PLOD1: variants seen among roughly 807,000 people sequenced by gnomAD.
The protein encoded by PLOD1 is lysine hydroxylase.
In PLOD1, 70 loss-of-function variants were observed where a neutral mutation model predicts 94.7. That is an observed-to-expected ratio of 0.74 (90% CI 0.61 to 0.90). The LOEUF (loss-of-function observed/expected upper bound fraction) is 0.90, where lower values mean the gene tolerates loss of function less well. Among genes scored for constraint, PLOD1 ranks in the 40% least tolerant of loss-of-function variants. The pLI, the probability that PLOD1 is intolerant of heterozygous loss-of-function variation, is 0.00. For missense variants in PLOD1, 905 were observed against 972.7 expected (o/e 0.93, Z 0.93); for synonymous variants, 417 against 400.2 (o/e 1.04, Z -0.50).
chr1:11,954,632 A>T (rs888172166), intron 5 of PLOD1, 198 bp from the exon 6 acceptor site: 2 of 770,650 alleles, frequency 2.6e-6, no homozygotes, highest in African/African-American at 1.7e-5. Context: ...TTCTGTGAGT[A>T]GAGCCACTAG....
chr1:11,962,427 C>G (rs1645785028), intron 10 of PLOD1, among the ~76,000 whole-genome samples: 1 of 151,756 alleles, frequency 6.6e-6, no homozygotes, highest in Non-Finnish European at 1.5e-5. Flanking sequence ...CAGGTGCCCA[C>G]CACCATGCCC....
intron 1 of PLOD1, chr1:11,944,378 C>A (rs1330527740): frequency 1.1e-5 from 4 of 364,952 alleles, no homozygotes; most frequent in African/African-American, 4.4e-5. Context: ...TGCTGGAGTT[C>A]AAGAGCCTGT....
At chr1:11,960,621 T>TA in intron 9 of PLOD1, 25 bp from the exon 10 acceptor site, 1 of 1,177,842 alleles carries the variant, frequency 8.5e-7, no homozygotes, top group Non-Finnish European at 1.3e-6. Flanking sequence ...CACCCCCGCA[T>TA]CCCCTTCCCC....
Position 11,956,983 on chromosome 1 carries a change from C to A in PLOD1, c.710C>A (p.Pro237Gln). The change falls in exon 7 of 19, where the codon CCG (proline) becomes CAG (glutamine). Residue 237 changes from proline to glutamine, a missense_variant. Physicochemically the swap from Pro to Gln is moderately conservative, Grantham distance 76. Transcript: ENST00000196061. ...AGGAACCTGGCCTATGACACCCTCCCGGTCCTGATCCATGGCAACGGGCCA... is the reference window on the plus strand; with the variant it reads ...AGGAACCTGGCCTATGACACCCTCCAGGTCCTGATCCATGGCAACGGGCCA... ...RARNLAYDTLPVLIHGNGPTK... is the reference protein window; with the variant it reads ...RARNLAYDTLQVLIHGNGPTK... 1.2e-6 allele frequency: 2 copies of A among 1,613,650 alleles called. No individual in the cohort carries two copies. The highest frequency in any genetic ancestry group is 1.1e-5 in the South Asian group (1 of 91,058).
chr1:11,950,672 A>C, intron 4 of PLOD1, 152 bp downstream of exon 4: 3 of 661,936 alleles, frequency 4.5e-6, no homozygotes, highest in Non-Finnish European at 2.6e-6. Context: ...TCAACCCCAA[A>C]TGTGCTCCCC....
At position 11,974,706 on chromosome 1, in the gene PLOD1, G is replaced by C. The variant is rs1645891475; in HGVS notation, c.2082G>C (p.Lys694Asn). The change falls in exon 19 of 19, where the codon AAG (lysine) becomes AAC (asparagine). Residue 694 changes from lysine to asparagine, a missense_variant. Transcript: ENST00000196061. ...ACTGTTCCATCCGAGCCCCAAGGAA[G>C]GGCTGGACCCTCATGCACCCTGGAC... ...RYNCSIRAPR[K>N]GWTLMHPGRL... 1 of 1,614,004 alleles carries C rather than the reference G, an allele frequency of 6.2e-7. No individual in the cohort carries two copies. The highest frequency in any genetic ancestry group is 8.5e-7 in the Non-Finnish European group (1 of 1,179,902).
At chr1:11,942,386 T>C (rs1645621300) in intron 1 of PLOD1, among the ~76,000 whole-genome samples, 1 of 152,158 alleles carries the variant, frequency 6.6e-6, no homozygotes, top group Non-Finnish European at 1.5e-5. Flanking sequence ...GAAATAAAGA[T>C]GTGGCCCTGG....
Position 11,974,878 on chromosome 1 carries a change from T to C in PLOD1, c.*70T>C. The C allele has an allele frequency of 3.3e-6, 5 of 1,501,452 alleles. No homozygotes were observed. The highest frequency in any genetic ancestry group is 4.6e-6 in the Non-Finnish European group (5 of 1,077,282). 93.0% of individuals were successfully genotyped at this position (1,501,452 alleles called of 1,614,324 possible). A position where few individuals can be genotyped will look rare whatever the true frequency, so the allele number is the denominator to read the frequency against. On this transcript the variant is annotated 3_prime_UTR_variant, in exon 19 of 19. Coordinates refer to ENST00000196061, the MANE Select transcript of PLOD1 (RefSeq NM_000302.4). The stretch of plus-strand genomic sequence containing the variant: ...CCACTGCCCAGCAGCCTCTGGGACC[T>C]CGGGGTCCCAGGGAACCCAGTCCAG...
intron 4 of PLOD1, among the ~76,000 whole-genome samples, chr1:11,951,563 AAAT>A (rs1645702031): frequency 1.4e-5 from 2 of 145,438 alleles, no homozygotes; most frequent in South Asian, 4.2e-4. Flanking sequence ...TTTAAATAAA[AAAT>A]AATACTATAT....
intron 1 of PLOD1, among the ~76,000 whole-genome samples, chr1:11,945,566 G>C (rs1479339697): frequency 6.6e-6 from 1 of 151,696 alleles, no homozygotes; most frequent in African/African-American, 2.4e-5. Flanking sequence ...CCAGCAAGGA[G>C]AGACCCCCTC....
intron 1 of PLOD1, among the ~76,000 whole-genome samples, chr1:11,937,099 C>T (rs1569660257): frequency 1.3e-5 from 2 of 152,312 alleles, no homozygotes; most frequent in African/African-American, 2.4e-5. Flanking sequence ...CCGCCTACCT[C>T]GGCCTCCCAA....
intron 5 of PLOD1, among the ~76,000 whole-genome samples, chr1:11,953,618 C>A (rs1161285260): frequency 6.6e-6 from 1 of 151,332 alleles, no homozygotes; most frequent in African/African-American, 2.4e-5. Context: ...ATGATGAAAC[C>A]CTGTCTCTAC....
rs751831236 is a variant in PLOD1, at chr1:11,948,007, G to A, written c.108G>A (p.Lys36=). The change falls in exon 2 of 19, where the codon AAG becomes AAA. Residue 36 remains lysine (K), a synonymous_variant. Transcript: ENST00000196061. ...DNLLVLTVAT[K]ETEGFRRFKR... ...TTTTAGTCCTCACGGTGGCCACTAA[G>A]GAGACCGAGGGATTCCGTCGCTTCA... The A allele has an allele frequency of 6.8e-6, 11 of 1,613,720 alleles. No homozygotes were observed. The highest frequency in any genetic ancestry group is 2.2e-5 in the East Asian group (1 of 44,884).
intron 1 of PLOD1, among the ~76,000 whole-genome samples, chr1:11,943,199 A>G (rs1645626552): frequency 6.6e-6 from 1 of 152,018 alleles, no homozygotes; most frequent in African/African-American, 2.4e-5. Context: ...CATGTTGGCC[A>G]GGCTGGTCTT....
chr1:11,944,890 T>C (rs1569675767), intron 1 of PLOD1, among the ~76,000 whole-genome samples: 1 of 151,768 alleles, frequency 6.6e-6, no homozygotes, highest in South Asian at 2.1e-4. Context: ...CTTCCTGAGG[T>C]GGTGGGAGGG....
At chr1:11,945,691 AC>A (rs1260068155) in intron 1 of PLOD1, among the ~76,000 whole-genome samples, 1 of 151,192 alleles carries the variant, frequency 6.6e-6, no homozygotes, top group Non-Finnish European at 1.5e-5. Flanking sequence ...CACCAGTAAT[AC>A]CTCTTTATTT....
Position 11,974,793 on chromosome 1 carries a change from C to T in PLOD1, c.2169C>T (p.Ser723=). 1.2e-6 allele frequency: 2 copies of T among 1,614,174 alleles called. No homozygotes were observed. The highest frequency in any genetic ancestry group is 1.7e-6 in the Non-Finnish European group (2 of 1,180,030). ...TTRGTRYIAV[S]FVDP The stretch of plus-strand genomic sequence containing the variant: ...GGGGCACCCGCTACATCGCAGTCTC[C>T]TTCGTCGATCCCTAATTGGCCAGGC... The change falls in exon 19 of 19, where the codon TCC becomes TCT. Residue 723 remains serine (S), a synonymous_variant. Transcript: ENST00000196061.
At chr1:11,943,600 G>C (rs530537708) in intron 1 of PLOD1, among the ~76,000 whole-genome samples, 1 of 152,278 alleles carries the variant, frequency 6.6e-6, no homozygotes, top group East Asian at 1.9e-4. Flanking sequence ...CCTGGCCACG[G>C]AACCTGGGGG....
Position 11,963,090 on chromosome 1 carries a change from T to A in PLOD1, c.1098-442T>A, listed in dbSNP as rs1645790415. On this transcript the variant is annotated intron_variant, in intron 10 of 18. Coordinates refer to ENST00000196061, the MANE Select transcript of PLOD1 (RefSeq NM_000302.4). This position sits in a 1 kb window ranked among gnomAD's most constrained non-coding sequence, Gnocchi z 4.3. ...AAAAAAAAGAAAAACATAAAGCTGT[T>A]CTTAGCCCATGAGCTGTACAAAACC... 6.6e-6 allele frequency among the ~76,000 whole-genome samples: 1 copy of A among 152,058 alleles called. No homozygotes were observed. The highest frequency in any genetic ancestry group is 2.4e-5 in the African/African-American group (1 of 41,402).
Sources: gnomAD v4.1 joint callset for allele counts (sites outside exome capture counted in the v4.1 genomes callset) on GRCh38, gnomAD v4.1.1 for gene constraint, Gnocchi (gnomAD v3.1) non-coding constraint, MANE v1.5 for transcripts, NCBI Gene and HGNC (gene_info 2026-07-23, HGNC 2026-07-21) for gene names.